Variants in CDKL1 observed in about 807,000 individuals in gnomAD.
The protein encoded by CDKL1 is cyclin-dependent kinase-like 1.
CDKL1 carries 41 observed loss-of-function variants against 42.0 expected under a neutral mutation model. The observed-to-expected ratio is 0.98, with a 90% CI of 0.76 to 1.27. CDKL1 has a LOEUF of 1.27. Ranked by LOEUF, CDKL1 falls within the 50% of genes most tolerant of loss-of-function variation. The probability of loss-of-function intolerance (pLI) is 0.00; values close to 1 mark genes in which losing one functional copy is unlikely to be tolerated. For missense variants in CDKL1, 394 were observed against 428.4 expected (o/e 0.92, Z 0.71); for synonymous variants, 153 against 158.6 (o/e 0.96, Z 0.26).
intron 7 of CDKL1, chr14:50,336,172 C>T: frequency 2.9e-6 from 4 of 1,362,018 alleles, no homozygotes; most frequent in Non-Finnish European, 3.9e-6. Flanking sequence ...TTCACAGCCC[C>T]AGAAGCAAGC....
chr14:50,364,110 G>A (rs2034370000), intron 2 of CDKL1: 1 of 152,238 alleles, frequency 6.6e-6, no homozygotes, highest in Non-Finnish European at 1.5e-5. Flanking sequence ...ATATCCATTT[G>A]TCTGAATGGG....
chr14:50,380,088 C>T, intron 2 of CDKL1: 1 of 504,316 alleles, frequency 2.0e-6, no homozygotes, highest in Non-Finnish European at 4.1e-6. Context: ...GTATGCTTAA[C>T]AGTCAGCTAA....
chr14:50,369,458 T>C (rs1342032793), intron 2 of CDKL1, among the ~76,000 whole-genome samples: 2 of 152,080 alleles, frequency 1.3e-5, no homozygotes, highest in African/African-American at 4.8e-5. Context: ...TCCATGTTTC[T>C]ATCAAAAGTA....
At chr14:50,358,561 C>T (rs1041318362) in intron 3 of CDKL1, among the ~76,000 whole-genome samples, 3 of 148,186 alleles carry the variant, frequency 2.0e-5, no homozygotes, top group African/African-American at 7.5e-5. Context: ...CCTTTTGTAA[C>T]ATTTTTTGTA....
chr14:50,338,217 TTTTA>T (rs1319079929), intron 7 of CDKL1, among the ~76,000 whole-genome samples: 17 of 152,046 alleles, frequency 1.1e-4, no homozygotes, highest in African/African-American at 1.4e-4. Context: ...CTAAGGAAGT[TTTTA>T]TTTATTTATT....
At chr14:50,332,218 T>A (rs779200586) in intron 9 of CDKL1, 44 bp downstream of exon 9, 5 of 1,613,724 alleles carry the variant, frequency 3.1e-6, no homozygotes, top group Non-Finnish European at 4.2e-6. Flanking sequence ...AGATTCCAAC[T>A]CTCTGTACCA....
chr14:50,350,775 C>T (rs189059854), intron 3 of CDKL1, among the ~76,000 whole-genome samples: 15 of 152,304 alleles, frequency 9.8e-5, no homozygotes, highest in Admixed American at 9.1e-4. Context: ...GGAAGGGGCT[C>T]AAGAAGGCAC....
chr14:50,390,423 A>G (rs2035222262), intron 2 of CDKL1: 1 of 1,323,148 alleles, frequency 7.6e-7, no homozygotes, highest in African/African-American at 1.5e-5. Flanking sequence ...TTCCACAGAG[A>G]GAAGGTTCAG....
chr14:50,334,427 G>A (rs1426391415), intron 8 of CDKL1, 138 bp downstream of exon 8: 3 of 681,252 alleles, frequency 4.4e-6, no homozygotes, highest in East Asian at 5.2e-5. Flanking sequence ...AGGATTACAG[G>A]TGTGAGCCAC....
At position 50,340,937 on chromosome 14, in the gene CDKL1, A is replaced by C. The variant is rs2033492710; in HGVS notation, c.655+95T>G. 2.3e-6 allele frequency: 3 copies of C among 1,310,074 alleles called. No homozygotes were observed. In the East Asian group the frequency reaches 7.3e-5, roughly 32 times the overall value. The allele number at this position is 1,310,074 out of a possible 1,614,324, so 81.2% of individuals were successfully genotyped here. A position where few individuals can be genotyped will look rare whatever the true frequency, so the allele number is the denominator to read the frequency against. ...TTCCTCTTTCCTAACTAATGCCTTA[A>C]AGGGCATTAGGTGAGACTGAGAACT... On this transcript the variant is annotated intron_variant, in intron 6 of 9. Coordinates refer to ENST00000395834, the MANE Select transcript of CDKL1 (RefSeq NM_004196.7).
chr14:50,387,831 C>A (rs933513379), intron 2 of CDKL1, among the ~76,000 whole-genome samples: 1 of 152,162 alleles, frequency 6.6e-6, no homozygotes, highest in Non-Finnish European at 1.5e-5. Flanking sequence ...CTAGAATGAC[C>A]CCTATTAGCA....
At chr14:50,395,602 G>T in intron 2 of CDKL1, 99 bp downstream of exon 2, 1 of 784,524 alleles carries the variant, frequency 1.3e-6, no homozygotes, top group Non-Finnish European at 2.0e-6. Context: ...AGGAGTTCCA[G>T]GCTGCTGTGA....
intron 2 of CDKL1, among the ~76,000 whole-genome samples, chr14:50,391,429 C>T (rs1180650858): frequency 2.6e-5 from 4 of 152,220 alleles, no homozygotes; most frequent in Admixed American, 2.0e-4. Context: ...GTCGCCCAGG[C>T]TGGAGCACAG....
intron 2 of CDKL1, among the ~76,000 whole-genome samples, chr14:50,380,601 C>T (rs2034875671): frequency 6.6e-6 from 1 of 152,200 alleles, no homozygotes; most frequent in Non-Finnish European, 1.5e-5. Context: ...CCTTAATTGT[C>T]TTGACGTTCC....
At position 50,336,482 on chromosome 14, in the gene CDKL1, G is replaced by A. The variant is rs571582258; in HGVS notation, c.739-1861C>T. Among the ~76,000 whole-genome samples the A allele has an allele frequency of 3.4e-4, 52 of 152,184 alleles. 1 individual carries two copies. The highest frequency in any genetic ancestry group is 2.0e-3 in the Admixed American group (30 of 15,290). On this transcript the variant is annotated intron_variant, in intron 7 of 9. Coordinates refer to ENST00000395834, the MANE Select transcript of CDKL1 (RefSeq NM_004196.7). ...TGTCAGGTGTCATTCCTGCCCCTCC[G>A]TCCCAGCAAGACCCACTTTGAATGC...
intron 6 of CDKL1, among the ~76,000 whole-genome samples, chr14:50,340,537 G>T (rs998559808): frequency 6.6e-6 from 1 of 152,150 alleles, no homozygotes; most frequent in Non-Finnish European, 1.5e-5. Context: ...GGGCACTGGG[G>T]TGGGAAAGCA....
At chr14:50,355,442 T>C (rs2034028036) in intron 3 of CDKL1, among the ~76,000 whole-genome samples, 1 of 152,234 alleles carries the variant, frequency 6.6e-6, no homozygotes, top group South Asian at 2.1e-4. Flanking sequence ...TAATCTCTTT[T>C]GACAATATTA....
intron 7 of CDKL1, among the ~76,000 whole-genome samples, 197 bp downstream of exon 7, chr14:50,338,750 G>A (rs1771866706): frequency 1.3e-5 from 2 of 152,194 alleles, no homozygotes; most frequent in South Asian, 4.1e-4. Flanking sequence ...CTATGCAACA[G>A]GCTGGCTAGA....
chr14:50,391,961 C>T (rs140121310), intron 2 of CDKL1, among the ~76,000 whole-genome samples: 327 of 152,336 alleles, frequency 2.1e-3, no homozygotes, highest in Non-Finnish European at 3.7e-3. Context: ...ATATCATTAT[C>T]TCCACTTTGT....
Sources: gnomAD v4.1 joint callset for allele counts (sites outside exome capture counted in the v4.1 genomes callset) on GRCh38, gnomAD v4.1.1 for gene constraint, MANE v1.5 for transcripts, NCBI Gene and HGNC (gene_info 2026-07-23, HGNC 2026-07-21) for gene names.